The following RIMS2 variants were observed in gnomAD, a reference collection of about 807,000 sequenced individuals.
RIMS2 encodes the protein regulating synaptic membrane exocytosis 2.
Under a neutral mutation model 174.4 loss-of-function variants are expected in RIMS2, and 59 were observed. The ratio of observed to expected loss-of-function variants is 0.34; its 90% CI spans 0.27 to 0.42. RIMS2 has a LOEUF of 0.42. Ranked by LOEUF, RIMS2 falls within the 10% of genes least tolerant of loss-of-function variation. The pLI, the probability that RIMS2 is intolerant of heterozygous loss-of-function variation, is 1.00. For missense variants in RIMS2, 1,620 were observed against 1,666.3 expected, an observed-to-expected ratio of 0.97 and a Z score of 0.48; for synonymous variants, 606 against 572.5, an observed-to-expected ratio of 1.06 and a Z score of -0.84.
chr8:104,131,867 C>T (rs2098476697), intron 19 of RIMS2, among the ~76,000 whole-genome samples: 1 of 151,926 alleles, frequency 6.6e-6, no homozygotes, highest in African/African-American at 2.4e-5. Context: ...TGATTTAAAA[C>T]CAAAGAGTGA....
chr8:103,942,607 A>G (rs557045754), intron 13 of RIMS2, among the ~76,000 whole-genome samples, 166 bp from the exon 16 acceptor site: 1 of 152,260 alleles, frequency 6.6e-6, no homozygotes, highest in South Asian at 2.1e-4. Context: ...ATAAAAGTTT[A>G]TTTTTTGTCA....
chr8:103,916,055 TA>T (rs2076578912), intron 7 of RIMS2, among the ~76,000 whole-genome samples: 1 of 151,980 alleles, frequency 6.6e-6, no homozygotes, highest in African/African-American at 2.4e-5. Flanking sequence ...GGAAACCCTT[TA>T]CAAAAAAACA....
chr8:103,527,962 C>T (rs1834930583), intron 1 of RIMS2, among the ~76,000 whole-genome samples: 1 of 152,218 alleles, frequency 6.6e-6, no homozygotes, highest in Admixed American at 6.5e-5. Flanking sequence ...TGAGGAATCA[C>T]CACACTGTCT....
chr8:103,567,426 T>C (rs1408332054), intron 1 of RIMS2, among the ~76,000 whole-genome samples: 1 of 152,226 alleles, frequency 6.6e-6, no homozygotes, highest in East Asian at 1.9e-4. Flanking sequence ...CAGTATGTAA[T>C]TTTTGTGTGT....
chr8:104,132,223 G>A (rs1599599668), intron 19 of RIMS2, among the ~76,000 whole-genome samples: 1 of 152,032 alleles, frequency 6.6e-6, no homozygotes, highest in Non-Finnish European at 1.5e-5. Context: ...ATTACTCTAA[G>A]CTTATTAATC....
chr8:103,999,040 C>T (rs952978645), intron 17 of RIMS2, among the ~76,000 whole-genome samples: 31 of 151,616 alleles, frequency 2.0e-4, no homozygotes, highest in African/African-American at 7.0e-4. Context: ...GAGCCAGTGA[C>T]AACATTTGAG....
At chr8:103,910,855 GT>G (rs1484876259) in intron 5 of RIMS2, among the ~76,000 whole-genome samples, 1 of 152,176 alleles carries the variant, frequency 6.6e-6, no homozygotes, top group Non-Finnish European at 1.5e-5. Flanking sequence ...TAATAAATAA[GT>G]TTTGGATTGG....
intron 1 of RIMS2, among the ~76,000 whole-genome samples, chr8:103,626,412 TGTA>T (rs1221563817): frequency 6.6e-6 from 1 of 152,012 alleles, no homozygotes; most frequent in Admixed American, 6.6e-5. Flanking sequence ...GAAAGAAAAA[TGTA>T]ATAATAATAA....
chr8:104,175,495 T>C (rs778733083), intron 19 of RIMS2, among the ~76,000 whole-genome samples: 11 of 152,202 alleles, frequency 7.2e-5, no homozygotes, highest in Non-Finnish European at 1.6e-4. Flanking sequence ...TAATAAATTA[T>C]TGCTGACTGT....
chr8:103,582,882 A>G (rs1401363668), intron 1 of RIMS2, among the ~76,000 whole-genome samples: 1 of 152,142 alleles, frequency 6.6e-6, no homozygotes, highest in Non-Finnish European at 1.5e-5. Context: ...GAAGAGGAGG[A>G]TACAGTTCTG....
At chr8:104,184,027 T>C (rs572324372) in intron 19 of RIMS2, among the ~76,000 whole-genome samples, 10 of 151,688 alleles carry the variant, frequency 6.6e-5, no homozygotes, top group African/African-American at 1.9e-4. Flanking sequence ...TTTTTTCCTA[T>C]GGCCATGGTC....
At chr8:103,886,121 C>T (rs376615886) in exon 4 of RIMS2, 14 of 1,612,822 alleles carry the variant, frequency 8.7e-6, no homozygotes, top group African/African-American at 4.0e-5. Flanking sequence ...CGGTAAAATG[C>T]GCCAGATTTC....
intron 1 of RIMS2, among the ~76,000 whole-genome samples, chr8:103,631,381 G>A (rs61300996): frequency 0.12 from 18,954 of 152,160 alleles, 1,281 homozygotes; most frequent in Middle Eastern, 0.22. Context: ...CATTTATTGC[G>A]TAGAGATTCT....
At position 103,912,181 on chromosome 8, in the gene RIMS2, T is replaced by C. The variant is rs1396523336; in HGVS notation, c.1812+9T>C. On this transcript the variant is annotated intron_variant, in intron 6 of 23. Transcript: ENST00000504942. ...CAATGCTTGGCTTGAAGGTATGTAA[T>C]AAAAAGTATGAGATTTTGGCTCTAT... The C allele has an allele frequency of 2.5e-6, 4 of 1,602,362 alleles. No individual in the cohort carries two copies. The highest frequency in any genetic ancestry group is 1.7e-5 in the Admixed American group (1 of 59,628).
chr8:104,072,552 A>C (rs12335061), intron 19 of RIMS2, among the ~76,000 whole-genome samples: 35,703 of 152,086 alleles, frequency 0.23, 4,490 homozygotes, highest in South Asian at 0.33. Flanking sequence ...ATGAAATCCA[A>C]AGCCTCAGAC....
intron 2 of RIMS2, among the ~76,000 whole-genome samples, chr8:103,707,538 G>A (rs1218019236): frequency 6.6e-6 from 1 of 152,168 alleles, no homozygotes; most frequent in African/African-American, 2.4e-5. Context: ...TCCAGCCCTG[G>A]TGGACTTGGG....
At chr8:103,645,848 T>G (rs2096317308) in intron 1 of RIMS2, among the ~76,000 whole-genome samples, 1 of 152,142 alleles carries the variant, frequency 6.6e-6, no homozygotes, top group Non-Finnish European at 1.5e-5. Flanking sequence ...ATGAATAATA[T>G]TAATTTCATA....
chr8:103,668,019 CT>C (rs1454262218), intron 1 of RIMS2, among the ~76,000 whole-genome samples: 1 of 152,176 alleles, frequency 6.6e-6, no homozygotes, highest in Non-Finnish European at 1.5e-5. Flanking sequence ...CCATGACAAA[CT>C]TTCTTTAACC....
chr8:103,824,502 A>G (rs987805675), intron 3 of RIMS2, among the ~76,000 whole-genome samples: 8 of 152,200 alleles, frequency 5.3e-5, no homozygotes, highest in Admixed American at 1.3e-4. Context: ...AAATGTGTGA[A>G]CATTTCTTAT....
Sources: allele counts gnomAD v4.1 joint callset (sites outside exome capture counted in the v4.1 genomes callset), GRCh38; gene constraint gnomAD v4.1.1; transcripts MANE v1.5; gene names NCBI Gene and HGNC (gene_info 2026-07-23, HGNC 2026-07-21).